The following KSR1 variants were observed in gnomAD, a reference collection of about 807,000 sequenced individuals.
The protein encoded by KSR1 is kinase suppressor of ras.
KSR1 carries 35 observed loss-of-function variants against 92.9 expected under a neutral mutation model. That is an observed-to-expected ratio of 0.38 (90% confidence interval 0.29 to 0.50). KSR1 has a LOEUF of 0.50. Among genes scored for constraint, KSR1 ranks in the 20% least tolerant of loss-of-function variants. The probability of loss-of-function intolerance (pLI) is 0.94; values close to 1 mark genes in which losing one functional copy is unlikely to be tolerated. For synonymous variants in KSR1, 467 were observed against 472.6 expected, an observed-to-expected ratio of 0.99 and a Z score of 0.15; for missense variants, 972 against 1,158.5, an observed-to-expected ratio of 0.84 and a Z score of 2.34.
chr17:27,609,461 C>A, intron 16 of KSR1, 132 bp downstream of exon 16: 1 of 1,177,128 alleles, frequency 8.5e-7, no homozygotes, highest in Non-Finnish European at 1.2e-6. Context: ...TCGCTTTGGT[C>A]CTGCCCTCGT....
chr17:27,577,676 T>G lies in KSR1; in HGVS notation c.520+37T>G. Reference sequence around the variant, plus strand: ...CTGCCACCCTCTCCCTTGCCTGGCCTGGTGCCCTTGGGGCTGTGGCCTTCA... The same window carrying G: ...CTGCCACCCTCTCCCTTGCCTGGCCGGGTGCCCTTGGGGCTGTGGCCTTCA... On this transcript the variant is annotated intron_variant, in intron 3 of 20. Coordinates refer to ENST00000644974, the MANE Select transcript of KSR1 (RefSeq NM_001394583.1). This position sits in a 1 kb window ranked among gnomAD's most constrained non-coding sequence, Gnocchi z 4.5. 6.8e-7 allele frequency: 1 copy of G among 1,475,532 alleles called. No individual in the cohort carries two copies. The highest frequency in any genetic ancestry group is 9.2e-7 in the Non-Finnish European group (1 of 1,091,034). The allele number at this position is 1,475,532 out of a possible 1,614,324, so 91.4% of individuals were successfully genotyped here. A position where few individuals can be genotyped will look rare whatever the true frequency, so the allele number is the denominator to read the frequency against.
At chr17:27,500,376 C>T (rs117135916) in intron 1 of KSR1, among the ~76,000 whole-genome samples, 4,346 of 152,158 alleles carry the variant, frequency 0.029, 81 homozygotes, top group Admixed American at 0.058. Context: ...CAAGTACTGA[C>T]GGGATAGTGT....
At chr17:27,492,950 G>A in intron 1 of KSR1, among the ~76,000 whole-genome samples, 1 of 152,158 alleles carries the variant, frequency 6.6e-6, no homozygotes, top group East Asian at 1.9e-4. Context: ...CTTACTTTTT[G>A]TCTTTGCTGG....
At chr17:27,490,531 A>T (rs773775227) in intron 1 of KSR1, among the ~76,000 whole-genome samples, 67 of 152,264 alleles carry the variant, frequency 4.4e-4, no homozygotes, top group Non-Finnish European at 7.8e-4. Context: ...TGGAAGCTGT[A>T]CTGGTAGGAG....
At position 27,588,555 on chromosome 17, in the gene KSR1, AG is replaced by A; in HGVS notation, c.1046+25del. On this transcript the variant is annotated intron_variant, in intron 6 of 20. Transcript: ENST00000644974. ...GCACAGGTAGGCACAGCGGGCCTGG[AG>A]GGGGAGCAGGGCACAGCCGGGCTGG... 1.9e-6 allele frequency: 3 copies of A among 1,578,214 alleles called. No individual in the cohort carries two copies. The highest frequency in any genetic ancestry group is 2.6e-6 in the Non-Finnish European group (3 of 1,162,416).
At chr17:27,565,893 A>G (rs758875399) in intron 2 of KSR1, among the ~76,000 whole-genome samples, 7 of 152,004 alleles carry the variant, frequency 4.6e-5, no homozygotes, top group Middle Eastern at 3.2e-3. Flanking sequence ...TTTCATTTGC[A>G]TGGACTCCAG....
At chr17:27,585,939 A>AATGAG in intron 5 of KSR1, 1 of 497,686 alleles carries the variant, frequency 2.0e-6, no homozygotes, top group Non-Finnish European at 3.6e-6. Context: ...CCCTGTCTCC[A>AATGAG]CCTTGCCCTT....
chr17:27,526,094 TTCTCTC>T (rs59170484), intron 1 of KSR1, among the ~76,000 whole-genome samples: 4,462 of 118,404 alleles, frequency 0.038, 306 homozygotes, highest in African/African-American at 0.15. Context: ...CTTTCTTTCT[TTCTCTC>T]TCTCTCTCTC....
intron 6 of KSR1, among the ~76,000 whole-genome samples, chr17:27,590,558 T>A (rs1023234258): frequency 6.6e-6 from 1 of 152,228 alleles, no homozygotes; most frequent in Admixed American, 6.5e-5. Flanking sequence ...TGATTGCTGC[T>A]GCCAAATTGG....
intron 1 of KSR1, among the ~76,000 whole-genome samples, chr17:27,513,308 G>A (rs371033452): frequency 2.9e-4 from 44 of 152,112 alleles, no homozygotes; most frequent in Admixed American, 1.6e-3. Flanking sequence ...AAAATGCTGC[G>A]GGCTAGATGC....
intron 4 of KSR1, among the ~76,000 whole-genome samples, chr17:27,584,548 T>A (rs1327115810): frequency 6.6e-6 from 1 of 152,184 alleles, no homozygotes; most frequent in Admixed American, 6.5e-5. Flanking sequence ...CTCAACCCAG[T>A]CCCTGTGTTT....
At chr17:27,517,621 G>A (rs1369230082) in intron 1 of KSR1, among the ~76,000 whole-genome samples, 1 of 152,192 alleles carries the variant, frequency 6.6e-6, no homozygotes, top group Non-Finnish European at 1.5e-5. Flanking sequence ...ATTTTCATTG[G>A]ACGATAAACT....
intron 1 of KSR1, among the ~76,000 whole-genome samples, chr17:27,490,856 T>G (rs2068800963): frequency 6.6e-6 from 1 of 152,140 alleles, no homozygotes; most frequent in Non-Finnish European, 1.5e-5. Context: ...GGTTGTTCAT[T>G]GTGTAAAGGG....
chr17:27,559,767 C>T lies in KSR1; in HGVS notation c.372+9059C>T, dbSNP rs1028024667. 9.2e-5 allele frequency among the ~76,000 whole-genome samples: 14 copies of T among 152,122 alleles called. No individual in the cohort carries two copies. The highest frequency in any genetic ancestry group is 4.1e-4 in the South Asian group (2 of 4,830). The stretch of plus-strand genomic sequence containing the variant: ...TCCGGGAAGGCAAGAGCACACCAGG[C>T]GGAGGGAAGAATATCTGCAGAGACC... On this transcript the variant is annotated intron_variant, in intron 2 of 20. Transcript: ENST00000644974. The surrounding 1 kb of genome is among the most constrained non-coding windows in gnomAD (Gnocchi z 4.2).
chr17:27,567,898 C>T (rs984868068), intron 2 of KSR1, among the ~76,000 whole-genome samples: 4 of 152,182 alleles, frequency 2.6e-5, no homozygotes, highest in African/African-American at 9.7e-5. Context: ...CTAGATTGTC[C>T]CTAAGTTCCC....
At chr17:27,619,447 G>A (rs990388044) in intron 19 of KSR1, among the ~76,000 whole-genome samples, 2 of 150,814 alleles carry the variant, frequency 1.3e-5, no homozygotes, top group Non-Finnish European at 2.9e-5. Flanking sequence ...ACTCAGGCTG[G>A]AGTGCAGTGG....
rs766689675 is a variant in KSR1, at chr17:27,603,878, G to T, written c.1555G>T (p.Asp519Tyr). 1 of 1,613,894 alleles carries T rather than the reference G, an allele frequency of 6.2e-7. No homozygotes were observed. The highest frequency in any genetic ancestry group is 8.5e-7 in the Non-Finnish European group (1 of 1,179,820). The change falls in exon 12 of 21, where the codon GAC becomes TAC. Residue 519 changes from aspartate (D) to tyrosine (Y), a missense_variant. Asp to Tyr is a radical substitution (Grantham distance 160, BLOSUM62 -3). This residue lies in a region of KSR1 where 611 missense variants were observed against 668.0 expected (regional missense o/e 0.91). Coordinates refer to ENST00000644974, the MANE Select transcript of KSR1 (RefSeq NM_001394583.1). ...CGCAGCCCCGCTCCCTGAAGCTGCC[G>T]ACGGTACCCGGTAGGCATCCCTAGG... ...AHAAPLPEAA[D>Y]GTRLDDQPKA...
intron 19 of KSR1, among the ~76,000 whole-genome samples, chr17:27,620,600 TGG>T (rs2074196982): frequency 6.6e-6 from 1 of 152,176 alleles, no homozygotes; most frequent in Non-Finnish European, 1.5e-5. Context: ...GAAGAGTCTC[TGG>T]AAGAAGGTCG....
rs7220863 is a variant in KSR1, at chr17:27,459,941, C to T, written c.231+3067C>T. Among the ~76,000 whole-genome samples the T allele has an allele frequency of 0.042, 6,359 of 152,210 alleles. 409 individuals are homozygous for T. Among genetic ancestry groups the T allele is most frequent in the African/African-American group, 0.14 (5,952 of 41,468 alleles). On this transcript the variant is annotated intron_variant, in intron 1 of 20. Transcript: ENST00000644974. This position sits in a 1 kb window ranked among gnomAD's most constrained non-coding sequence, Gnocchi z 4.6. ...CGTTTGCTGCCTGTGTGCCTAGCAG[C>T]GTGCCTGACTCTTCTCAAACTCACA...
Sources: gnomAD v4.1 joint callset for allele counts (sites outside exome capture counted in the v4.1 genomes callset) on GRCh38, gnomAD v4.1.1 for gene constraint, gnomAD v4.1.1 regional missense constraint, Gnocchi (gnomAD v3.1) non-coding constraint, MANE v1.5 for transcripts, NCBI Gene and HGNC (gene_info 2026-07-23, HGNC 2026-07-21) for gene names.